FUT8: variants seen among roughly 807,000 people sequenced by gnomAD.
FUT8 encodes fucosyltransferase 8, also known as alpha-(1,6)-fucosyltransferase.
FUT8 carries 29 observed loss-of-function variants against 71.3 expected under a neutral mutation model. That is an observed-to-expected ratio of 0.41 (90% CI 0.30 to 0.55). The LOEUF is 0.55. FUT8 is among the 20% of genes least tolerant of loss of function. The probability of loss-of-function intolerance (pLI) is 0.34; values close to 1 mark genes in which losing one functional copy is unlikely to be tolerated. For missense variants in FUT8, 544 were observed against 702.1 expected (o/e 0.77, Z 2.55); for synonymous variants, 254 against 239.3 (o/e 1.06, Z -0.57).
chr14:65,622,670 C>G (rs1889677694), intron 5 of FUT8, among the ~76,000 whole-genome samples: 1 of 152,174 alleles, frequency 6.6e-6, no homozygotes, highest in African/African-American at 2.4e-5. Context: ...GCTTTGTTTT[C>G]TTGCCTGTCT....
At chr14:65,439,475 G>A (rs1273717785) in intron 1 of FUT8, among the ~76,000 whole-genome samples, 1 of 152,244 alleles carries the variant, frequency 6.6e-6, no homozygotes, top group East Asian at 1.9e-4. Context: ...GAACTGGAGG[G>A]TCATGTGAAG....
chr14:65,711,362 T>G (rs77854312), intron 7 of FUT8, among the ~76,000 whole-genome samples: 2,679 of 152,292 alleles, frequency 0.018, 81 homozygotes, highest in African/African-American at 0.061. Flanking sequence ...CTAGTTACAC[T>G]GAACATTTAG....
At chr14:65,445,913 C>T (rs949686989) in intron 1 of FUT8, among the ~76,000 whole-genome samples, 13 of 152,324 alleles carry the variant, frequency 8.5e-5, no homozygotes, top group African/African-American at 2.4e-4. Context: ...CAGGTGTGAG[C>T]GACTGTGCCC....
intron 2 of FUT8, among the ~76,000 whole-genome samples, chr14:65,485,225 G>T (rs2066391608): frequency 1.3e-5 from 2 of 151,918 alleles, no homozygotes; most frequent in African/African-American, 4.8e-5. Context: ...CATCTGGGTT[G>T]GTTTCAGTCA....
the FUT8 span, among the ~76,000 whole-genome samples, chr14:65,398,932 C>T: frequency 6.6e-6 from 1 of 152,100 alleles, no homozygotes; most frequent in African/African-American, 2.4e-5. Flanking sequence ...ATAAAAATTT[C>T]CCCACCACAA....
At chr14:65,575,720 G>A (rs549789922) in intron 3 of FUT8, among the ~76,000 whole-genome samples, 2 of 151,642 alleles carry the variant, frequency 1.3e-5, no homozygotes, top group Admixed American at 6.6e-5. Flanking sequence ...CCGGGTTCAA[G>A]CAAATCTCCC....
chr14:65,573,763 G>T (rs1333206369), intron 3 of FUT8, among the ~76,000 whole-genome samples: 1 of 151,706 alleles, frequency 6.6e-6, no homozygotes, highest in South Asian at 2.1e-4. Flanking sequence ...AGGGCGTCAG[G>T]TTTAGTGATT....
At chr14:65,464,940 T>A (rs10220303) in intron 2 of FUT8, among the ~76,000 whole-genome samples, 10,993 of 152,258 alleles carry the variant, frequency 0.072, 741 homozygotes, top group South Asian at 0.2. Flanking sequence ...ACGAATGAAT[T>A]ATCTTGAGTG....
chr14:65,736,056 G>A (rs1426888545), intron 10 of FUT8, among the ~76,000 whole-genome samples: 2 of 152,108 alleles, frequency 1.3e-5, no homozygotes, highest in African/African-American at 4.8e-5. Context: ...GTAGAGTCAG[G>A]ATATCTGTAT....
the FUT8 span, among the ~76,000 whole-genome samples, chr14:65,392,349 G>A: frequency 4.7e-4 from 72 of 152,354 alleles, no homozygotes; most frequent in Middle Eastern, 3.4e-3. Flanking sequence ...ACCCAGCTAA[G>A]TATTCCCTGG....
At chr14:65,500,096 C>T (rs1185172950) in intron 2 of FUT8, among the ~76,000 whole-genome samples, 1 of 151,994 alleles carries the variant, frequency 6.6e-6, no homozygotes, top group Non-Finnish European at 1.5e-5. Context: ...CATGTAGATT[C>T]TTATTCAGTA....
chr14:65,447,560 G>A (rs947915747), intron 1 of FUT8, among the ~76,000 whole-genome samples: 1 of 151,880 alleles, frequency 6.6e-6, no homozygotes, highest in Non-Finnish European at 1.5e-5. Flanking sequence ...TCTTCAACCA[G>A]ACAAGATACC....
rs114044999 is a variant in FUT8 at position 65,510,016 on chromosome 14, C to T, written c.-227-51321C>T. 2.3e-3 allele frequency among the ~76,000 whole-genome samples: 344 copies of T among 152,158 alleles called. 2 individuals are homozygous for T. The highest frequency in any genetic ancestry group is 8.1e-3 in the African/African-American group (335 of 41,538). ...TGGGCATCCTTGTTATGTTTCAGAT[C>T]GTAAAAGACAGGCTTTCAGTTTTTC... On this transcript the variant is annotated intron_variant, in intron 2 of 10. Coordinates refer to ENST00000673929, the MANE Select transcript of FUT8 (RefSeq NM_001371533.1).
At chr14:65,657,230 TGTAAATTAG>T (rs1891726439) in intron 6 of FUT8, among the ~76,000 whole-genome samples, 1 of 152,166 alleles carries the variant, frequency 6.6e-6, no homozygotes, top group African/African-American at 2.4e-5. Context: ...ACACACAGAA[TGTAAATTAG>T]TACAACCACT....
intron 1 of FUT8, among the ~76,000 whole-genome samples, chr14:65,425,813 T>A (rs183152068): frequency 3.4e-4 from 51 of 151,962 alleles, no homozygotes; most frequent in Admixed American, 1.2e-3. Flanking sequence ...CCATCTCTAT[T>A]AAGAATACAA....
intron 1 of FUT8, among the ~76,000 whole-genome samples, chr14:65,421,079 G>A (rs556121156): frequency 6.6e-6 from 1 of 151,732 alleles, no homozygotes; most frequent in South Asian, 2.1e-4. Flanking sequence ...TGTAGTCTCA[G>A]CTATTCAGGA....
At position 65,574,928 on chromosome 14, in the gene FUT8, G is replaced by A. The variant is rs955869733; in HGVS notation, c.203+13162G>A. Among the ~76,000 whole-genome samples the A allele has an allele frequency of 3.9e-5, 6 of 152,076 alleles. No homozygotes were observed. Among genetic ancestry groups the A allele is most frequent in the African/African-American group, 7.2e-5 (3 of 41,402 alleles). ...GCTGAACAGATACTTCATTTATTTC[G>A]TTGATGTTGCAGGATTAATATTGTA... On this transcript the variant is annotated intron_variant, in intron 3 of 10. Transcript: ENST00000673929. The surrounding 1 kb of genome is among the most constrained non-coding windows in gnomAD (Gnocchi z 5.2).
intron 3 of FUT8, among the ~76,000 whole-genome samples, chr14:65,599,011 G>T (rs543981720): frequency 4.6e-5 from 7 of 152,030 alleles, no homozygotes; most frequent in African/African-American, 1.7e-4. Flanking sequence ...GGATGGTCTC[G>T]ATCTCCTGAC....
chr14:65,692,755 T>C (rs1203764633), intron 7 of FUT8, among the ~76,000 whole-genome samples: 5 of 132,282 alleles, frequency 3.8e-5, no homozygotes, highest in Non-Finnish European at 8.0e-5. Context: ...TCAGACGGGG[T>C]GGTTGCCGGG....
Sources: gnomAD v4.1 joint callset for allele counts (sites outside exome capture counted in the v4.1 genomes callset) on GRCh38, gnomAD v4.1.1 for gene constraint, Gnocchi (gnomAD v3.1) non-coding constraint, MANE v1.5 for transcripts, NCBI Gene and HGNC (gene_info 2026-07-23, HGNC 2026-07-21) for gene names.